The following XPO7 variants were observed in gnomAD, a reference collection of about 807,000 sequenced individuals.
XPO7 encodes exportin 7.
Under a neutral mutation model 144.3 loss-of-function variants are expected in XPO7, and 21 were observed. The observed-to-expected ratio is 0.15, with a 90% CI of 0.10 to 0.21. The LOEUF (loss-of-function observed/expected upper bound fraction) is 0.21. Ranked by LOEUF, XPO7 falls within the 10% of genes least tolerant of loss-of-function variation. XPO7 has a pLI of 1.00. For missense variants in XPO7, 808 were observed against 1,325.8 expected (o/e 0.61, Z 6.06); for synonymous variants, 580 against 499.6 (o/e 1.16, Z -2.15).
intron 3 of XPO7, 130 bp downstream of exon 3, chr8:21,969,706 A>G: frequency 1.0e-6 from 1 of 962,692 alleles, no homozygotes; most frequent in Admixed American, 2.8e-5. Context: ...TCTAGAATCC[A>G]GTTCGTTTCC....
chr8:21,923,820 G>A (rs994536314), intron 1 of XPO7, among the ~76,000 whole-genome samples: 3 of 152,126 alleles, frequency 2.0e-5, no homozygotes, highest in Non-Finnish European at 4.4e-5. Flanking sequence ...ACAGCCTTTC[G>A]AGGTGGGAAA....
At chr8:21,961,249 ACC>A (rs1234748041) in intron 1 of XPO7, among the ~76,000 whole-genome samples, 1 of 148,258 alleles carries the variant, frequency 6.7e-6, no homozygotes, top group African/African-American at 2.5e-5. Context: ...TCACTCTGTC[ACC>A]CAGGCTGGAG....
intron 1 of XPO7, among the ~76,000 whole-genome samples, chr8:21,950,967 CAAA>C (rs879852105): frequency 2.1e-5 from 3 of 143,358 alleles, no homozygotes; most frequent in Admixed American, 6.9e-5. Flanking sequence ...ACAAAAAATA[CAAA>C]AAAAAAAATT....
rs80149511 is a variant in XPO7 at position 21,943,581 on chromosome 8, G to A, written c.19-23276G>A. On this transcript the variant is annotated intron_variant, in intron 1 of 27. Transcript: ENST00000252512. The stretch of plus-strand genomic sequence containing the variant: ...TAAAGGGTGAGTCATTTTGTTAAAC[G>A]CGTAAAACATTCCTTATTTCCTTCC... Among the ~76,000 whole-genome samples, 60 of 152,254 alleles carry A rather than the reference G, an allele frequency of 3.9e-4. 1 individual carries two copies. In the East Asian group the frequency reaches 0.01, roughly 26 times the overall value.
intron 27 of XPO7, 110 bp from the exon 28 acceptor site, chr8:22,004,885 A>C: frequency 2.1e-5 from 13 of 614,578 alleles, no homozygotes; most frequent in Middle Eastern, 2.7e-4. Context: ...TTGAAACAGA[A>C]CCCATCAATT....
At chr8:21,955,973 C>T (rs935902685) in intron 1 of XPO7, among the ~76,000 whole-genome samples, 1 of 152,032 alleles carries the variant, frequency 6.6e-6, no homozygotes. Flanking sequence ...GTGATCCACC[C>T]GCCTCAGCCT....
In XPO7 at chr8:21,967,368, T is replaced by C. The variant is rs192227940; in HGVS notation, c.165+365T>C. The stretch of plus-strand genomic sequence containing the variant: ...TTTTTGAGACGGAGTTTCGCTCTTG[T>C]TGCCCAGGCTGGAGTGCAATGGCGT... On this transcript the variant is annotated intron_variant, in intron 2 of 27. Coordinates refer to ENST00000252512, the MANE Select transcript of XPO7 (RefSeq NM_015024.5). Among the ~76,000 whole-genome samples, 571 of 152,332 alleles carry C rather than the reference T, an allele frequency of 3.7e-3. 2 individuals carry two copies. The highest frequency in any genetic ancestry group is 0.013 in the African/African-American group (546 of 41,572).
At chr8:21,950,784 GA>G (rs1811343745) in intron 1 of XPO7, among the ~76,000 whole-genome samples, 1 of 151,984 alleles carries the variant, frequency 6.6e-6, no homozygotes, top group African/African-American at 2.4e-5. Context: ...TAGAAAATGA[GA>G]ATACCAATGG....
chr8:21,922,089 G>C (rs946488600), intron 1 of XPO7, among the ~76,000 whole-genome samples: 1 of 152,152 alleles, frequency 6.6e-6, no homozygotes, highest in Non-Finnish European at 1.5e-5. Context: ...TTATAAAGGT[G>C]TCTGCTACAG....
intron 21 of XPO7, 121 bp downstream of exon 21, chr8:21,995,720 C>T (rs1274477726): frequency 1.4e-5 from 10 of 708,992 alleles, no homozygotes; most frequent in Admixed American, 1.0e-4. Context: ...TTTTAAAATT[C>T]GAAAAGTTTT....
intron 1 of XPO7, among the ~76,000 whole-genome samples, chr8:21,937,249 T>C (rs565045240): frequency 2.0e-5 from 3 of 152,342 alleles, no homozygotes; most frequent in African/African-American, 7.2e-5. Context: ...ATCAGTCTTA[T>C]TTGGATGTGT....
chr8:21,990,769 A>G (rs761022028), intron 17 of XPO7, 42 bp from the exon 18 acceptor site: 1 of 1,591,998 alleles, frequency 6.3e-7, no homozygotes, highest in South Asian at 1.1e-5. Context: ...TCTGCCTCTA[A>G]CTCATGTTTT....
chr8:21,998,887 A>G (rs1813041995), intron 22 of XPO7, 50 bp downstream of exon 22: 4 of 1,592,978 alleles, frequency 2.5e-6, no homozygotes, highest in Non-Finnish European at 2.6e-6. Context: ...CAGCTCAGTC[A>G]CCACACTGTA....
At chr8:21,933,067 T>C (rs1234783546) in intron 1 of XPO7, among the ~76,000 whole-genome samples, 6 of 151,848 alleles carry the variant, frequency 4.0e-5, no homozygotes, top group Admixed American at 3.9e-4. Flanking sequence ...TTTTAGAACA[T>C]GATGGAAATT....
chr8:21,971,045 AT>A (rs1247806938), intron 4 of XPO7, among the ~76,000 whole-genome samples: 6 of 152,146 alleles, frequency 3.9e-5, no homozygotes, highest in African/African-American at 1.2e-4. Context: ...TAAAAAAAAA[AT>A]CTTTTATGCT....
intron 2 of XPO7, among the ~76,000 whole-genome samples, chr8:21,968,173 T>C (rs907226747): frequency 1.3e-5 from 2 of 152,242 alleles, no homozygotes; most frequent in Non-Finnish European, 2.9e-5. Flanking sequence ...CCATGTGGTA[T>C]TCTGAACAAC....
intron 1 of XPO7, among the ~76,000 whole-genome samples, chr8:21,934,772 G>A (rs1263383587): frequency 6.6e-6 from 1 of 152,156 alleles, no homozygotes; most frequent in African/African-American, 2.4e-5. Flanking sequence ...TTGCTATGCA[G>A]GCATTCAAGC....
intron 19 of XPO7, 62 bp from the exon 20 acceptor site, chr8:21,994,301 C>T: frequency 7.9e-7 from 1 of 1,266,004 alleles, no homozygotes; most frequent in Non-Finnish European, 1.1e-6. Context: ...GTGGAATCCT[C>T]ATCAGATTGT....
At chr8:21,998,538 T>A (rs1813030515) in intron 21 of XPO7, among the ~76,000 whole-genome samples, 1 of 152,222 alleles carries the variant, frequency 6.6e-6, no homozygotes, top group Non-Finnish European at 1.5e-5. Context: ...TGTTTTTAAT[T>A]TGAGCAGCAG....
Sources: gnomAD v4.1 joint callset for allele counts (sites outside exome capture counted in the v4.1 genomes callset) on GRCh38, gnomAD v4.1.1 for gene constraint, MANE v1.5 for transcripts, NCBI Gene and HGNC (gene_info 2026-07-23, HGNC 2026-07-21) for gene names.